The following ANK3 variants were observed in gnomAD, a reference collection of about 807,000 sequenced individuals.
ANK3 encodes ankyrin 3, also known as ankyrin-3.
A neutral mutation model predicts 370.9 loss-of-function variants in ANK3; 57 were observed. That is an observed-to-expected ratio of 0.15 (90% CI 0.12 to 0.19). The LOEUF (loss-of-function observed/expected upper bound fraction) is 0.19. ANK3 is among the 10% of genes least tolerant of loss of function. The pLI, the probability that ANK3 is intolerant of heterozygous loss-of-function variation, is 1.00. For missense variants in ANK3, 4,439 were observed against 5,302.1 expected, an observed-to-expected ratio of 0.84 and a Z score of 5.06; for synonymous variants, 1,929 against 1,946.3, an observed-to-expected ratio of 0.99 and a Z score of 0.23.
chr10:60,311,474 C>CAAAAAAAAA (rs57897005), intron 1 of ANK3, among the ~76,000 whole-genome samples: 1 of 125,930 alleles, frequency 7.9e-6, no homozygotes. Flanking sequence ...ATATGGAAGC[C>CAAAAAAAAA]AAAAAAAAAA....
chr10:60,256,365 A>G (rs1020676486), intron 7 of ANK3, among the ~76,000 whole-genome samples: 1 of 152,222 alleles, frequency 6.6e-6, no homozygotes, highest in Non-Finnish European at 1.5e-5. Flanking sequence ...AAATATTGCT[A>G]AATTGGATTG....
At chr10:60,082,879 G>A in intron 33 of ANK3, 142 bp from the exon 34 acceptor site, 1 of 966,194 alleles carries the variant, frequency 1.0e-6, no homozygotes, top group Non-Finnish European at 1.5e-6. Context: ...TTACGATTAT[G>A]CAGCAACCGG....
Position 60,150,175 on chromosome 10 carries a change from C to T in ANK3, c.2615-11088G>A, listed in dbSNP as rs191464966. Among the ~76,000 whole-genome samples, 8 of 152,210 alleles carry T rather than the reference C, an allele frequency of 5.3e-5. No homozygotes were observed. In the East Asian group the frequency reaches 1.4e-3, roughly 26 times the overall value. On this transcript the variant is annotated intron_variant, in intron 23 of 43. Coordinates refer to ENST00000280772, the MANE Select transcript of ANK3 (RefSeq NM_020987.5). ...ATGTGTGCCCAGAGTTTTCCAGAAC[C>T]GCTTCTCTTCCTCCTTGTGTGCTGC...
chr10:60,138,829 G>T, intron 24 of ANK3, 135 bp downstream of exon 24: 1 of 1,165,402 alleles, frequency 8.6e-7, no homozygotes, highest in South Asian at 1.5e-5. Context: ...TATTTGCGTC[G>T]AGAACATTTC....
chr10:60,647,995 C>T (rs2078732268), intron 1 of ANK3, among the ~76,000 whole-genome samples: 1 of 149,394 alleles, frequency 6.7e-6, no homozygotes, highest in Non-Finnish European at 1.5e-5. Context: ...CTACAGGTGC[C>T]TGCCACCATG....
chr10:60,546,375 A>G (rs553100342), intron 2 of ANK3, among the ~76,000 whole-genome samples: 12 of 152,278 alleles, frequency 7.9e-5, no homozygotes, highest in Admixed American at 7.2e-4. Context: ...TTCCACATTC[A>G]CAATTATAGT....
intron 28 of ANK3, among the ~76,000 whole-genome samples, chr10:60,094,982 G>A (rs1462828600): frequency 6.6e-6 from 1 of 152,184 alleles, no homozygotes; most frequent in Non-Finnish European, 1.5e-5. Context: ...GGAAAATAGA[G>A]AACGAAATCC....
chr10:60,631,211 C>G (rs2078479149), intron 1 of ANK3, among the ~76,000 whole-genome samples: 1 of 152,034 alleles, frequency 6.6e-6, no homozygotes, highest in Non-Finnish European at 1.5e-5. Flanking sequence ...TTTTCCCAGT[C>G]CAAAGTCATA....
At chr10:60,266,472 C>T (rs1337193236) in intron 5 of ANK3, among the ~76,000 whole-genome samples, 1 of 152,068 alleles carries the variant, frequency 6.6e-6, no homozygotes, top group Non-Finnish European at 1.5e-5. Context: ...TTTAATTTTG[C>T]ATCTCACTTA....
At chr10:60,325,271 A>G (rs1053181783) in intron 1 of ANK3, among the ~76,000 whole-genome samples, 8 of 152,154 alleles carry the variant, frequency 5.3e-5, no homozygotes, top group Admixed American at 2.0e-4. Context: ...GAGGCACTGA[A>G]TACTTCCCTA....
At chr10:60,469,047 ATATAT>A (rs1248674781) in intron 2 of ANK3, among the ~76,000 whole-genome samples, 1 of 100,480 alleles carries the variant, frequency 1.0e-5, no homozygotes, top group African/African-American at 3.7e-5. Context: ...ATATATATAT[ATATAT>A]ATACCACTTT....
At chr10:60,364,650 C>A (rs768862809) in intron 1 of ANK3, among the ~76,000 whole-genome samples, 2 of 151,962 alleles carry the variant, frequency 1.3e-5, no homozygotes, top group African/African-American at 4.8e-5. Flanking sequence ...AAGTAACAAA[C>A]CTGCACATTC....
At chr10:60,487,990 T>C (rs962446908) in intron 2 of ANK3, among the ~76,000 whole-genome samples, 4 of 152,172 alleles carry the variant, frequency 2.6e-5, no homozygotes, top group Middle Eastern at 3.4e-3. Flanking sequence ...TGGATTATAC[T>C]TTTCAAAACC....
chr10:60,395,584 CTTTCTTTCTTTCTT>C (rs2063210226), intron 2 of ANK3, among the ~76,000 whole-genome samples: 1 of 125,446 alleles, frequency 8.0e-6, no homozygotes, highest in African/African-American at 3.3e-5. Flanking sequence ...TTCTTTCTTT[CTTTCTTTCTTTCTT>C]TCTTTCTTTC....
chr10:60,048,535 T>C (rs967868248), intron 42 of ANK3, among the ~76,000 whole-genome samples: 1 of 152,232 alleles, frequency 6.6e-6, no homozygotes, highest in African/African-American at 2.4e-5. Flanking sequence ...AAGTCCCAGA[T>C]ATAAAATGGT....
At chr10:60,370,790 C>T (rs1336675248) in intron 1 of ANK3, among the ~76,000 whole-genome samples, 2 of 152,118 alleles carry the variant, frequency 1.3e-5, no homozygotes, top group Non-Finnish European at 2.9e-5. Flanking sequence ...CTCGGATGTT[C>T]CAAATCTAGA....
chr10:60,107,771 G>A (rs528577082), intron 27 of ANK3, among the ~76,000 whole-genome samples: 4 of 151,294 alleles, frequency 2.6e-5, no homozygotes, highest in South Asian at 2.1e-4. Flanking sequence ...ATGCGCACGC[G>A]CACACACACA....
chr10:60,303,746 C>T lies in ANK3; in HGVS notation c.115-24107G>A, dbSNP rs148030917. ...AGCACCCCACTACTGGGTATATTGCCAAAGAAATAAAATCAATACCTCAAA... is the reference window on the plus strand; with the variant it reads ...AGCACCCCACTACTGGGTATATTGCTAAAGAAATAAAATCAATACCTCAAA... On this transcript the variant is annotated intron_variant, in intron 1 of 43. Transcript: ENST00000280772. 8.3e-3 allele frequency among the ~76,000 whole-genome samples: 1,256 copies of T among 152,102 alleles called. 22 individuals carry two copies. Among genetic ancestry groups the T allele is most frequent in the African/African-American group, 0.029 (1,210 of 41,492 alleles).
intron 10 of ANK3, among the ~76,000 whole-genome samples, chr10:60,206,296 A>T (rs2096760989): frequency 6.6e-6 from 1 of 152,068 alleles, no homozygotes; most frequent in South Asian, 2.1e-4. Context: ...AACACGGTGA[A>T]ACCCCATCTC....
Sources: gnomAD v4.1 joint callset for allele counts (sites outside exome capture counted in the v4.1 genomes callset) on GRCh38, gnomAD v4.1.1 for gene constraint, MANE v1.5 for transcripts, NCBI Gene and HGNC (gene_info 2026-07-23, HGNC 2026-07-21) for gene names.